Variants in RPS6KC1 observed in about 807,000 individuals in gnomAD.
RPS6KC1 encodes inactive ribosomal protein S6 kinase delta-1.
In RPS6KC1, 54 loss-of-function variants were observed where a neutral mutation model predicts 103.8. The ratio of observed to expected loss-of-function variants is 0.52; its 90% confidence interval spans 0.42 to 0.65. The LOEUF is 0.65. Among genes scored for constraint, RPS6KC1 ranks in the 30% least tolerant of loss-of-function variants. The pLI is 0.00. For synonymous variants in RPS6KC1, 439 were observed against 438.7 expected (o/e 1.00, Z -0.01); for missense variants, 1,151 against 1,253.8 (o/e 0.92, Z 1.24).
the RPS6KC1 span, among the ~76,000 whole-genome samples, chr1:213,615,534 C>T: frequency 6.6e-6 from 1 of 152,230 alleles, no homozygotes; most frequent in East Asian, 1.9e-4. Flanking sequence ...GTGGCTGAGG[C>T]TTTCTTTCAC....
At chr1:213,248,205 T>C (rs1284224818) in intron 12 of RPS6KC1, among the ~76,000 whole-genome samples, 1 of 152,110 alleles carries the variant, frequency 6.6e-6, no homozygotes, top group Non-Finnish European at 1.5e-5. Flanking sequence ...ACTACTTTTT[T>C]TCCTAAAACA....
chr1:213,207,029 A>C (rs2093369576), intron 8 of RPS6KC1, among the ~76,000 whole-genome samples: 1 of 151,920 alleles, frequency 6.6e-6, no homozygotes, highest in Admixed American at 6.6e-5. Context: ...GAGAATCACA[A>C]CTCTGGGAGG....
the RPS6KC1 span, among the ~76,000 whole-genome samples, chr1:213,558,396 G>T: frequency 6.6e-6 from 1 of 152,298 alleles, no homozygotes; most frequent in African/African-American, 2.4e-5. Context: ...GTAAGGAGCC[G>T]ATGTAGGTAT....
chr1:213,674,653 T>C, the RPS6KC1 span, among the ~76,000 whole-genome samples: 2 of 152,226 alleles, frequency 1.3e-5, no homozygotes, highest in African/African-American at 2.4e-5. Flanking sequence ...CTTTTGGATA[T>C]AAACCCAGTA....
At chr1:213,539,344 C>T in the RPS6KC1 span, among the ~76,000 whole-genome samples, 1 of 152,178 alleles carries the variant, frequency 6.6e-6, no homozygotes. Context: ...GATAGAAGCT[C>T]CCCGTCAATT....
chr1:213,466,108 C>T, the RPS6KC1 span, among the ~76,000 whole-genome samples: 1 of 152,290 alleles, frequency 6.6e-6, no homozygotes, highest in Admixed American at 6.5e-5. Flanking sequence ...CCACAACCTC[C>T]ACCTAACTCA....
At chr1:213,196,733 T>C (rs2092961876) in intron 8 of RPS6KC1, among the ~76,000 whole-genome samples, 2 of 152,234 alleles carry the variant, frequency 1.3e-5, no homozygotes, top group Admixed American at 6.5e-5. Flanking sequence ...ATTTGTTGAC[T>C]AGGGTGTCCT....
the RPS6KC1 span, among the ~76,000 whole-genome samples, chr1:213,569,423 C>T: frequency 1.3e-5 from 2 of 152,308 alleles, no homozygotes; most frequent in African/African-American, 2.4e-5. Context: ...AAAGGCCTCT[C>T]CTAATATTTA....
chr1:213,151,931 A>T, intron 6 of RPS6KC1, among the ~76,000 whole-genome samples: 1 of 84,638 alleles, frequency 1.2e-5, no homozygotes, highest in Non-Finnish European at 2.4e-5. Context: ...CGGGGGGCTG[A>T]CCCCCCCACC....
the RPS6KC1 span, among the ~76,000 whole-genome samples, chr1:213,617,620 G>C: frequency 6.6e-6 from 1 of 152,148 alleles, no homozygotes; most frequent in African/African-American, 2.4e-5. Flanking sequence ...TATTTTTAAG[G>C]GGAATGTTGA....
chr1:213,580,555 A>G, the RPS6KC1 span, among the ~76,000 whole-genome samples: 1 of 152,102 alleles, frequency 6.6e-6, no homozygotes, highest in Admixed American at 6.5e-5. Flanking sequence ...ATGCTATCAA[A>G]TAACACCTCG....
At chr1:213,076,345 T>A (rs1391479075) in intron 2 of RPS6KC1, among the ~76,000 whole-genome samples, 1 of 152,242 alleles carries the variant, frequency 6.6e-6, no homozygotes, top group Non-Finnish European at 1.5e-5. Flanking sequence ...AAGAGTTTTA[T>A]ACATACAGAG....
At chr1:213,091,959 C>CTT (rs34813812) in intron 3 of RPS6KC1, among the ~76,000 whole-genome samples, 42 of 145,364 alleles carry the variant, frequency 2.9e-4, no homozygotes, top group South Asian at 4.3e-4. Flanking sequence ...CATTACATTT[C>CTT]TTTTTTTTTT....
the RPS6KC1 span, chr1:213,840,201 C>T: frequency 2.6e-5 from 4 of 152,132 alleles, no homozygotes; most frequent in Non-Finnish European, 5.9e-5. Context: ...CCTCTCCTGT[C>T]ACAAATAATG....
At chr1:213,856,959 T>C in the RPS6KC1 span, among the ~76,000 whole-genome samples, 9 of 152,240 alleles carry the variant, frequency 5.9e-5, no homozygotes, top group African/African-American at 1.9e-4. Flanking sequence ...GAGAATAAAA[T>C]TCACTGAAAC....
intron 8 of RPS6KC1, among the ~76,000 whole-genome samples, chr1:213,204,747 C>T (rs1375311310): frequency 2.0e-5 from 3 of 151,738 alleles, no homozygotes; most frequent in Admixed American, 1.3e-4. Context: ...CTTCAGCCTC[C>T]TGTGTAGCCA....
chr1:213,105,862 T>C (rs2082436638), intron 4 of RPS6KC1, among the ~76,000 whole-genome samples: 1 of 152,204 alleles, frequency 6.6e-6, no homozygotes, highest in African/African-American at 2.4e-5. Flanking sequence ...GAAAAAGGCT[T>C]TATTATTAAA....
chr1:213,830,007 G>C, the RPS6KC1 span, among the ~76,000 whole-genome samples: 1 of 152,186 alleles, frequency 6.6e-6, no homozygotes, highest in South Asian at 2.1e-4. Flanking sequence ...AGCTTCCTGA[G>C]CAATGATTAG....
At chr1:213,068,453 CAG>C (rs1479776349) in intron 1 of RPS6KC1, among the ~76,000 whole-genome samples, 11 of 113,614 alleles carry the variant, frequency 9.7e-5, no homozygotes, top group Admixed American at 2.5e-4. Flanking sequence ...CACTGCACTC[CAG>C]CTTGGGTGAC....
Sources: allele counts gnomAD v4.1 joint callset (sites outside exome capture counted in the v4.1 genomes callset), GRCh38; gene constraint gnomAD v4.1.1; transcripts MANE v1.5; gene names NCBI Gene and HGNC (gene_info 2026-07-23, HGNC 2026-07-21).